ARHGEF37: variants seen among roughly 807,000 people sequenced by gnomAD.
The protein encoded by ARHGEF37 is Rho guanine nucleotide exchange factor (GEF) 37.
In ARHGEF37, 55 loss-of-function variants were observed where a neutral mutation model predicts 71.1. The ratio of observed to expected loss-of-function variants is 0.77; its 90% CI spans 0.62 to 0.97. The LOEUF (loss-of-function observed/expected upper bound fraction) is 0.97. Ranked by LOEUF, ARHGEF37 falls within the 50% of genes least tolerant of loss-of-function variation. The pLI, the probability that ARHGEF37 is intolerant of heterozygous loss-of-function variation, is 0.00. For missense variants in ARHGEF37, 765 were observed against 836.8 expected (o/e 0.91, Z 1.06); for synonymous variants, 327 against 350.6 (o/e 0.93, Z 0.75).
intron 1 of ARHGEF37, among the ~76,000 whole-genome samples, chr5:149,571,745 A>T (rs1464439655): frequency 1.3e-5 from 2 of 151,844 alleles, no homozygotes; most frequent in Admixed American, 6.6e-5. Flanking sequence ...ACATAGCAAA[A>T]CCCTGTCTTT....
At chr5:149,614,924 G>T (rs953045852) in intron 4 of ARHGEF37, among the ~76,000 whole-genome samples, 1 of 152,116 alleles carries the variant, frequency 6.6e-6, no homozygotes, top group African/African-American at 2.4e-5. Context: ...CAAGGAGAAG[G>T]CACACTTAGA....
intron 3 of ARHGEF37, chr5:149,606,660 T>G (rs1282993792): frequency 2.6e-5 from 4 of 152,216 alleles, no homozygotes; most frequent in African/African-American, 9.6e-5. Flanking sequence ...GCTTCGCAAA[T>G]TTGCATGTCA....
intron 4 of ARHGEF37, among the ~76,000 whole-genome samples, chr5:149,615,147 T>C (rs899630638): frequency 1.3e-4 from 20 of 151,772 alleles, no homozygotes; most frequent in Admixed American, 1.3e-3. Flanking sequence ...AGTTCCAGAG[T>C]TTTTTTTGTT....
intron 1 of ARHGEF37, among the ~76,000 whole-genome samples, chr5:149,590,933 A>G (rs968459240): frequency 6.6e-6 from 1 of 152,222 alleles, no homozygotes; most frequent in African/African-American, 2.4e-5. Context: ...TTAATAAAAT[A>G]CAATAGAACA....
At chr5:149,602,241 G>A (rs946477991) in intron 3 of ARHGEF37, among the ~76,000 whole-genome samples, 1 of 151,986 alleles carries the variant, frequency 6.6e-6, no homozygotes, top group Admixed American at 6.6e-5. Flanking sequence ...ATTTTTAGTA[G>A]AGACAGGGTT....
upstream of ARHGEF37, among the ~76,000 whole-genome samples, chr5:149,579,013 T>C (rs572601188): frequency 5.3e-5 from 8 of 152,274 alleles, no homozygotes; most frequent in East Asian, 1.5e-3. Flanking sequence ...TCCAGCTTAT[T>C]TTGGTCTCCT....
At chr5:149,629,027 T>C in intron 12 of ARHGEF37, 61 bp downstream of exon 12, 1 of 1,542,226 alleles carries the variant, frequency 6.5e-7, no homozygotes, top group Non-Finnish European at 8.7e-7. Flanking sequence ...GTGGCTTGGA[T>C]TTTCCTTCTC....
chr5:149,598,526 G>C (rs573328013), intron 2 of ARHGEF37, among the ~76,000 whole-genome samples: 3 of 147,474 alleles, frequency 2.0e-5, no homozygotes, highest in South Asian at 4.3e-4. Context: ...TCCCCTTCAA[G>C]GGTCTCTTTA....
chr5:149,590,322 C>A (rs985343172), intron 1 of ARHGEF37, among the ~76,000 whole-genome samples: 7 of 147,518 alleles, frequency 4.7e-5, no homozygotes, highest in Non-Finnish European at 7.4e-5. Context: ...CACTCTGTTG[C>A]CCAGGCTGGA....
chr5:149,573,682 C>G (rs1440060362), intron 1 of ARHGEF37, among the ~76,000 whole-genome samples: 1 of 152,102 alleles, frequency 6.6e-6, no homozygotes, highest in Non-Finnish European at 1.5e-5. Context: ...GTCCTGTTTA[C>G]TAATGTATCC....
intron 7 of ARHGEF37, 148 bp from the exon 8 acceptor site, chr5:149,620,206 G>A (rs1213992350): frequency 2.3e-5 from 12 of 527,582 alleles, no homozygotes; most frequent in Non-Finnish European, 3.7e-5. Context: ...CTTAAGCTGT[G>A]TGAGAATAGA....
intron 1 of ARHGEF37, among the ~76,000 whole-genome samples, chr5:149,592,192 A>G (rs1307823650): frequency 2.0e-5 from 3 of 152,184 alleles, no homozygotes; most frequent in Non-Finnish European, 4.4e-5. Context: ...CCATTTTATC[A>G]TGTGTAGATT....
chr5:149,585,483 C>T lies in ARHGEF37; in HGVS notation c.-12+3859C>T, dbSNP rs565124805. On this transcript the variant is annotated intron_variant, in intron 1 of 12. Transcript: ENST00000333677. ...CAAAATAATTTTTCTGAAAGAAAGC[C>T]CCAGGCAAAAAACACTACATAGTGC... 7.9e-5 allele frequency among the ~76,000 whole-genome samples: 12 copies of T among 151,992 alleles called. No homozygotes were observed. In the South Asian group the frequency reaches 2.5e-3, roughly 32 times the overall value.
chr5:149,558,720 T>C (rs1169949468), intron 1 of ARHGEF37, among the ~76,000 whole-genome samples: 1 of 136,552 alleles, frequency 7.3e-6, no homozygotes, highest in African/African-American at 3.1e-5. Flanking sequence ...TGTGTGTGTG[T>C]GTGTGTGTGT....
At chr5:149,562,920 C>T (rs1448940896) in intron 1 of ARHGEF37, among the ~76,000 whole-genome samples, 1 of 152,208 alleles carries the variant, frequency 6.6e-6, no homozygotes, top group African/African-American at 2.4e-5. Flanking sequence ...TGACTTAAAT[C>T]ATCCCCCTCC....
intron 10 of ARHGEF37, 57 bp downstream of exon 10, chr5:149,624,197 G>A (rs1752618326): frequency 4.5e-6 from 7 of 1,557,778 alleles, no homozygotes; most frequent in African/African-American, 4.1e-5. Context: ...CCAGTAGGGT[G>A]AGGCTCCATC....
chr5:149,614,684 C>T (rs1259448679), intron 4 of ARHGEF37, among the ~76,000 whole-genome samples: 1 of 152,124 alleles, frequency 6.6e-6, no homozygotes, highest in East Asian at 1.9e-4. Context: ...TCAGCCAAGC[C>T]CCAGGACACC....
At chr5:149,620,540 G>T in intron 8 of ARHGEF37, 76 bp downstream of exon 8, 1 of 1,265,356 alleles carries the variant, frequency 7.9e-7, no homozygotes, top group South Asian at 1.4e-5. Flanking sequence ...TTAGAAGTCA[G>T]GCACTTTGGC....
intron 1 of ARHGEF37, among the ~76,000 whole-genome samples, chr5:149,569,868 G>A (rs1023524006): frequency 2.0e-5 from 3 of 151,396 alleles, no homozygotes; most frequent in Non-Finnish European, 4.4e-5. Flanking sequence ...TGATGTGCCC[G>A]CCTCGACCTC....
Sources: gnomAD v4.1 joint callset for allele counts (sites outside exome capture counted in the v4.1 genomes callset) on GRCh38, gnomAD v4.1.1 for gene constraint, MANE v1.5 for transcripts, NCBI Gene and HGNC (gene_info 2026-07-23, HGNC 2026-07-21) for gene names.